HDAC4: variants seen among roughly 807,000 people sequenced by gnomAD.
The protein encoded by HDAC4 is histone deacetylase 4.
Under a neutral mutation model 135.1 loss-of-function variants are expected in HDAC4, and 16 were observed. The observed-to-expected ratio is 0.12, with a 90% confidence interval of 0.08 to 0.18. The LOEUF (loss-of-function observed/expected upper bound fraction) is 0.18. HDAC4 is among the 10% of genes least tolerant of loss of function. The probability of loss-of-function intolerance (pLI) is 1.00; values close to 1 mark genes in which losing one functional copy is unlikely to be tolerated. For synonymous variants in HDAC4, 685 were observed against 653.4 expected (o/e 1.05, Z -0.74); for missense variants, 1,143 against 1,511.8 (o/e 0.76, Z 4.05).
intron 2 of HDAC4, among the ~76,000 whole-genome samples, chr2:239,252,493 T>C (rs997435386): frequency 1.1e-4 from 16 of 152,248 alleles, no homozygotes; most frequent in Non-Finnish European, 2.2e-4. Context: ...GCAGATTGGC[T>C]GAGAGCATTT....
At chr2:239,111,908 G>C (rs1005608394) in intron 13 of HDAC4, among the ~76,000 whole-genome samples, 196 bp from the exon 14 acceptor site, 2 of 152,210 alleles carry the variant, frequency 1.3e-5, no homozygotes, top group African/African-American at 4.8e-5. Flanking sequence ...CCAGAGCCAA[G>C]AACGAGGCCA....
chr2:239,171,429 T>C (rs958183489), intron 5 of HDAC4, among the ~76,000 whole-genome samples: 8 of 152,124 alleles, frequency 5.3e-5, no homozygotes, highest in African/African-American at 1.7e-4. Flanking sequence ...GGATGATAAA[T>C]TGGAAGAAAA....
chr2:239,223,408 C>A (rs1041154769), intron 3 of HDAC4, among the ~76,000 whole-genome samples: 1 of 152,156 alleles, frequency 6.6e-6, no homozygotes, highest in Non-Finnish European at 1.5e-5. Context: ...CTTTCAAGGG[C>A]GCTGCGGGTC....
At chr2:239,110,278 G>A (rs1453851472) in intron 14 of HDAC4, among the ~76,000 whole-genome samples, 1 of 152,204 alleles carries the variant, frequency 6.6e-6, no homozygotes, top group East Asian at 1.9e-4. Context: ...AACATGTACT[G>A]TTTTATAAAT....
At chr2:239,159,226 C>T (rs2042622864) in intron 6 of HDAC4, among the ~76,000 whole-genome samples, 1 of 150,818 alleles carries the variant, frequency 6.6e-6, no homozygotes, top group African/African-American at 2.4e-5. Context: ...ACACCCACAT[C>T]TCACTTTTCA....
intron 1 of HDAC4, among the ~76,000 whole-genome samples, chr2:239,378,052 T>C (rs1278686972): frequency 6.6e-6 from 1 of 152,180 alleles, no homozygotes; most frequent in Non-Finnish European, 1.5e-5. Context: ...ATCCCCTCTG[T>C]CCAGCAAACG....
intron 1 of HDAC4, among the ~76,000 whole-genome samples, chr2:239,394,556 C>G (rs887190341): frequency 6.6e-6 from 1 of 152,232 alleles, no homozygotes; most frequent in African/African-American, 2.4e-5. Flanking sequence ...CTTCTCCCTC[C>G]CATTCCTTTC....
At position 239,050,006 on chromosome 2, in the gene HDAC4, G is replaced by A. The variant is rs551686452; in HGVS notation, c.*3091C>T. ...AGGCTAAAGGTCCAAGGACCCACAGGGAGAACACATGAAGGAACCCTCCCT... is the reference window on the plus strand; with the variant it reads ...AGGCTAAAGGTCCAAGGACCCACAGAGAGAACACATGAAGGAACCCTCCCT... On this transcript the variant is annotated 3_prime_UTR_variant, in exon 27 of 27. Transcript: ENST00000543185. The A allele has an allele frequency of 6.5e-6, 1 of 152,790 alleles. No homozygotes were observed. Among genetic ancestry groups the A allele is most frequent in the East Asian group, 1.9e-4 (1 of 5,188 alleles). 9.5% of individuals were successfully genotyped at this position (152,790 alleles called of 1,614,324 possible). A position where few individuals can be genotyped will look rare whatever the true frequency, so the allele number is the denominator to read the frequency against.
intron 5 of HDAC4, among the ~76,000 whole-genome samples, chr2:239,172,963 G>A (rs1185355082): frequency 3.3e-5 from 5 of 152,164 alleles, no homozygotes; most frequent in South Asian, 2.1e-4. Flanking sequence ...AGTGAGCCGG[G>A]GGGGAAAAAT....
At chr2:239,079,300 G>A (rs1008390995) in intron 22 of HDAC4, among the ~76,000 whole-genome samples, 1 of 152,228 alleles carries the variant, frequency 6.6e-6, no homozygotes, top group Non-Finnish European at 1.5e-5. Flanking sequence ...TCAAACCGAT[G>A]AGATCAGGGG....
At chr2:239,334,478 G>C (rs1167486939) in intron 2 of HDAC4, among the ~76,000 whole-genome samples, 1 of 151,946 alleles carries the variant, frequency 6.6e-6, no homozygotes, top group Non-Finnish European at 1.5e-5. Context: ...TTGAGATTGT[G>C]CCACTGCGCT....
At chr2:239,133,757 G>A (rs1337504163) in intron 11 of HDAC4, among the ~76,000 whole-genome samples, 4 of 152,190 alleles carry the variant, frequency 2.6e-5, no homozygotes, top group Non-Finnish European at 5.9e-5. Flanking sequence ...GTCAGTCACC[G>A]TGTCCGGCCG....
intron 1 of HDAC4, among the ~76,000 whole-genome samples, chr2:239,395,066 G>A (rs1478777995): frequency 1.3e-5 from 2 of 152,250 alleles, no homozygotes; most frequent in African/African-American, 2.4e-5. Flanking sequence ...AGGGGCTGGA[G>A]AAGAGGAAGG....
intron 2 of HDAC4, among the ~76,000 whole-genome samples, chr2:239,247,481 C>T (rs2048534166): frequency 6.6e-6 from 1 of 152,226 alleles, no homozygotes; most frequent in Admixed American, 6.5e-5. Flanking sequence ...ACTCCCTTTG[C>T]TCCTCCCGCT....
At chr2:239,081,039 G>A in intron 22 of HDAC4, 56 bp downstream of exon 22, 4 of 1,324,012 alleles carry the variant, frequency 3.0e-6, no homozygotes, top group Non-Finnish European at 4.3e-6. Context: ...TTCCTGGAAT[G>A]TGTGCACAGA....
intron 2 of HDAC4, among the ~76,000 whole-genome samples, chr2:239,344,017 T>C (rs1446427858): frequency 5.3e-5 from 8 of 152,080 alleles, no homozygotes; most frequent in African/African-American, 1.9e-4. Context: ...CGCAGTGGGG[T>C]TGACTGAGCA....
intron 2 of HDAC4, among the ~76,000 whole-genome samples, chr2:239,311,959 G>A (rs1172278309): frequency 6.6e-6 from 1 of 152,180 alleles, no homozygotes; most frequent in Non-Finnish European, 1.5e-5. Flanking sequence ...CAGAGCAGGG[G>A]TTCTGTGGTT....
intron 15 of HDAC4, among the ~76,000 whole-genome samples, chr2:239,103,993 C>T (rs2037896516): frequency 6.6e-6 from 1 of 150,810 alleles, no homozygotes; most frequent in Admixed American, 6.6e-5. Context: ...TCATGAACAA[C>T]AATTCCACAA....
intron 1 of HDAC4, among the ~76,000 whole-genome samples, chr2:239,382,130 A>G (rs979791283): frequency 2.6e-5 from 4 of 152,374 alleles, no homozygotes; most frequent in Middle Eastern, 3.4e-3. Flanking sequence ...TCACACCAGC[A>G]GGAGCTGCCT....
Sources: gnomAD v4.1 joint callset for allele counts (sites outside exome capture counted in the v4.1 genomes callset) on GRCh38, gnomAD v4.1.1 for gene constraint, MANE v1.5 for transcripts, NCBI Gene and HGNC (gene_info 2026-07-23, HGNC 2026-07-21) for gene names.